The following IGF2BP3 variants were observed in gnomAD, a reference collection of about 807,000 sequenced individuals.
The protein encoded by IGF2BP3 is insulin like growth factor 2 mRNA binding protein 3, also known as insulin-like growth factor 2 mRNA-binding protein 3.
IGF2BP3 carries 9 observed loss-of-function variants against 73.8 expected under a neutral mutation model. The ratio of observed to expected loss-of-function variants is 0.12; its 90% CI spans 0.07 to 0.21. The LOEUF is 0.21. Ranked by LOEUF, IGF2BP3 falls within the 10% of genes least tolerant of loss-of-function variation. The probability of loss-of-function intolerance (pLI) is 1.00; values close to 1 mark genes in which losing one functional copy is unlikely to be tolerated. For missense variants in IGF2BP3, 542 were observed against 714.0 expected (o/e 0.76, Z 2.75); for synonymous variants, 258 against 256.7 (o/e 1.01, Z -0.05).
chr7:23,351,659 C>T, intron 5 of IGF2BP3, 73 bp from the exon 6 acceptor site: 1 of 1,505,096 alleles, frequency 6.6e-7, no homozygotes, highest in Non-Finnish European at 9.1e-7. Context: ...AAAGCAACAC[C>T]CATCTCTTCT....
chr7:23,437,979 T>C (rs1034855242), intron 2 of IGF2BP3, among the ~76,000 whole-genome samples: 3 of 152,244 alleles, frequency 2.0e-5, no homozygotes, highest in Non-Finnish European at 4.4e-5. Context: ...ATGCTACGTC[T>C]ACCTTTATCT....
intron 2 of IGF2BP3, among the ~76,000 whole-genome samples, chr7:23,426,958 AAGTAT>A (rs1442246979): frequency 6.6e-6 from 1 of 152,252 alleles, no homozygotes; most frequent in Admixed American, 6.5e-5. Context: ...GAAGCATACT[AAGTAT>A]AGTAAAGACA....
At chr7:23,444,720 G>C (rs1393891211) in intron 2 of IGF2BP3, among the ~76,000 whole-genome samples, 1 of 147,808 alleles carries the variant, frequency 6.8e-6, no homozygotes, top group Non-Finnish European at 1.5e-5. Flanking sequence ...TCCAGCCTGG[G>C]TGACAGAGCA....
chr7:23,424,518 T>TA (rs1308492940), intron 2 of IGF2BP3, among the ~76,000 whole-genome samples: 1 of 151,986 alleles, frequency 6.6e-6, no homozygotes, highest in African/African-American at 2.4e-5. Flanking sequence ...ATAAACAATT[T>TA]AAAAACTGCC....
rs769366534 is a variant in IGF2BP3, at chr7:23,361,548, C to T, written c.387G>A (p.Lys129=). ...TAVVNVTYSS[K]DQARQALDKL... ...AAGCTGCTTACTGTCTAGCTTGGTCCTTACTGGAATAGGTTACATTTACAA... is the reference window on the plus strand; with the variant it reads ...AAGCTGCTTACTGTCTAGCTTGGTCTTTACTGGAATAGGTTACATTTACAA... The change falls in exon 5 of 15, where the codon AAG becomes AAA. Residue 129 remains lysine (K), a synonymous_variant. Coordinates refer to ENST00000258729, the MANE Select transcript of IGF2BP3 (RefSeq NM_006547.3). 3.1e-6 allele frequency: 5 copies of T among 1,612,242 alleles called. No individual in the cohort carries two copies. Among genetic ancestry groups the T allele is most frequent in the Non-Finnish European group, 4.2e-6 (5 of 1,179,438 alleles).
chr7:23,468,978 G>A (rs1025850645), intron 1 of IGF2BP3, among the ~76,000 whole-genome samples: 1 of 152,240 alleles, frequency 6.6e-6, no homozygotes, highest in Non-Finnish European at 1.5e-5. Flanking sequence ...GGAACACTCA[G>A]CGGTGGGCTT....
chr7:23,427,361 C>T (rs1787543569), intron 2 of IGF2BP3, among the ~76,000 whole-genome samples: 1 of 152,100 alleles, frequency 6.6e-6, no homozygotes, highest in South Asian at 2.1e-4. Context: ...TTCCTCACTC[C>T]CCAATTCATT....
intron 3 of IGF2BP3, among the ~76,000 whole-genome samples, chr7:23,389,497 T>C (rs1335649507): frequency 6.6e-6 from 1 of 151,718 alleles, no homozygotes; most frequent in Non-Finnish European, 1.5e-5. Context: ...GGCTTAAGGT[T>C]TAAGTGAGAA....
At chr7:23,452,529 C>T (rs774261585) in intron 2 of IGF2BP3, among the ~76,000 whole-genome samples, 5 of 152,102 alleles carry the variant, frequency 3.3e-5, no homozygotes, top group Non-Finnish European at 5.9e-5. Flanking sequence ...TTCCCCCAGG[C>T]GTGGTGGCTC....
chr7:23,398,324 T>G (rs1302197215), intron 3 of IGF2BP3, among the ~76,000 whole-genome samples: 1 of 152,240 alleles, frequency 6.6e-6, no homozygotes, highest in Non-Finnish European at 1.5e-5. Context: ...GTTGGACATT[T>G]GGGTTGGTTC....
intron 3 of IGF2BP3, among the ~76,000 whole-genome samples, chr7:23,409,194 C>G (rs1235404140): frequency 6.6e-6 from 1 of 152,226 alleles, no homozygotes; most frequent in East Asian, 1.9e-4. Flanking sequence ...AGCCCAGTTC[C>G]TAACAGGCCA....
intron 3 of IGF2BP3, among the ~76,000 whole-genome samples, chr7:23,389,542 T>TA (rs1562720121): frequency 1.5e-4 from 22 of 147,096 alleles, no homozygotes; most frequent in African/African-American, 5.2e-4. Flanking sequence ...TATTCAGTAC[T>TA]GTTTTTTTTT....
At chr7:23,443,458 G>A (rs920162354) in intron 2 of IGF2BP3, among the ~76,000 whole-genome samples, 3 of 151,772 alleles carry the variant, frequency 2.0e-5, no homozygotes, top group Non-Finnish European at 2.9e-5. Flanking sequence ...ACGGGGTTTC[G>A]CCATGCTGAC....
intron 2 of IGF2BP3, among the ~76,000 whole-genome samples, chr7:23,464,170 A>G (rs1301494828): frequency 1.3e-5 from 2 of 152,250 alleles, no homozygotes; most frequent in Non-Finnish European, 2.9e-5. Context: ...GTTGCTGGTC[A>G]TGACACTAGC....
chr7:23,393,946 G>A (rs767641717), intron 3 of IGF2BP3, among the ~76,000 whole-genome samples: 1 of 152,122 alleles, frequency 6.6e-6, no homozygotes, highest in South Asian at 2.1e-4. Flanking sequence ...GAGGCCAGTC[G>A]AGTTATTAGG....
At chr7:23,389,158 CTT>C (rs141188772) in intron 3 of IGF2BP3, among the ~76,000 whole-genome samples, 20 of 145,240 alleles carry the variant, frequency 1.4e-4, no homozygotes, top group African/African-American at 2.1e-4. Context: ...GAATTATTCC[CTT>C]TTTTTTTTTT....
Position 23,470,125 on chromosome 7 carries a change from G to GT in IGF2BP3, c.-16dup. ...AGTTTGTTCATTGTGAAGAGTGGTTGTTTAAAAAAAAATAACGAGAAAAAA... is the reference window on the plus strand; with the variant it reads ...AGTTTGTTCATTGTGAAGAGTGGTTGTTTTAAAAAAAAATAACGAGAAAAAA... On this transcript the variant is annotated 5_prime_UTR_variant, in exon 1 of 15. Coordinates refer to ENST00000258729, the MANE Select transcript of IGF2BP3 (RefSeq NM_006547.3). 1 of 1,571,324 alleles carries GT rather than the reference G, an allele frequency of 6.4e-7. No homozygotes were observed. Among genetic ancestry groups the GT allele is most frequent in the Non-Finnish European group, 8.6e-7 (1 of 1,160,288 alleles).
intron 3 of IGF2BP3, among the ~76,000 whole-genome samples, chr7:23,383,649 T>C (rs148044492): frequency 6.6e-6 from 1 of 151,990 alleles, no homozygotes; most frequent in African/African-American, 2.4e-5. Flanking sequence ...CCAAGAAAAA[T>C]GAAAACACAT....
In IGF2BP3 at chr7:23,310,562, C is replaced by T. The variant is rs140969415; in HGVS notation, c.*1800G>A. 2.1e-3 allele frequency: 321 copies of T among 152,146 alleles called. 2 individuals carry two copies. Among genetic ancestry groups the T allele is most frequent in the African/African-American group, 7.4e-3 (306 of 41,498 alleles). 9.4% of individuals were successfully genotyped at this position (152,146 alleles called of 1,614,324 possible). A position where few individuals can be genotyped will look rare whatever the true frequency, so the allele number is the denominator to read the frequency against. The stretch of plus-strand genomic sequence containing the variant: ...CTTACCTGAAATCCAACCAGAAAGC[C>T]AGTCCATGATTTTAGCAATTTTAAT... On this transcript the variant is annotated 3_prime_UTR_variant, in exon 15 of 15. Transcript: ENST00000258729.
Sources: allele counts gnomAD v4.1 joint callset (sites outside exome capture counted in the v4.1 genomes callset), GRCh38; gene constraint gnomAD v4.1.1; transcripts MANE v1.5; gene names NCBI Gene and HGNC (gene_info 2026-07-23, HGNC 2026-07-21).